The following BEND7 variants were observed in gnomAD, a reference collection of about 807,000 sequenced individuals.
The protein encoded by BEND7 is BEN domain containing 7.
Under a neutral mutation model 50.9 loss-of-function variants are expected in BEND7, and 28 were observed. The observed-to-expected ratio is 0.55, with a 90% CI of 0.41 to 0.75. The LOEUF is 0.75. Ranked by LOEUF, BEND7 falls within the 30% of genes least tolerant of loss-of-function variation. BEND7 has a pLI of 0.00. For missense variants in BEND7, 477 were observed against 491.3 expected (o/e 0.97, Z 0.28); for synonymous variants, 170 against 183.9 (o/e 0.92, Z 0.61).
intron 8 of BEND7, 141 bp from the exon 9 acceptor site, chr10:13,441,891 C>T (rs1248972736): frequency 5.0e-6 from 4 of 803,394 alleles, no homozygotes; most frequent in Middle Eastern, 2.7e-4. Flanking sequence ...AGAAGCCACA[C>T]ATATATGAGA....
intron 1 of BEND7, 143 bp downstream of exon 1, chr10:13,528,330 C>A: frequency 5.0e-6 from 1 of 200,536 alleles, no homozygotes; most frequent in Non-Finnish European, 8.9e-6. Flanking sequence ...CGGCCGCGGC[C>A]CTGCCTGCCA....
intron 5 of BEND7, among the ~76,000 whole-genome samples, chr10:13,481,909 G>A (rs1441359689): frequency 1.3e-5 from 2 of 152,194 alleles, no homozygotes; most frequent in African/African-American, 2.4e-5. Flanking sequence ...GCACACGCTC[G>A]GCGCTCAGCA....
chr10:13,526,791 CTTTA>C (rs1022313440), intron 1 of BEND7, among the ~76,000 whole-genome samples: 11 of 152,192 alleles, frequency 7.2e-5, no homozygotes, highest in African/African-American at 2.7e-4. Context: ...AGCTACTGCA[CTTTA>C]TTTAATATGC....
intron 6 of BEND7, among the ~76,000 whole-genome samples, chr10:13,454,601 T>C (rs537170403): frequency 6.6e-5 from 10 of 151,404 alleles, no homozygotes; most frequent in Admixed American, 1.3e-4. Context: ...GCCTGGGCAA[T>C]TGAGTGAGAC....
intron 6 of BEND7, among the ~76,000 whole-genome samples, chr10:13,478,761 A>T (rs2075645723): frequency 6.6e-6 from 1 of 152,214 alleles, no homozygotes; most frequent in African/African-American, 2.4e-5. Context: ...GCAAATAGAT[A>T]AATATAAACT....
At chr10:13,475,833 G>C (rs887922868) in intron 6 of BEND7, among the ~76,000 whole-genome samples, 7 of 152,198 alleles carry the variant, frequency 4.6e-5, no homozygotes, top group African/African-American at 1.7e-4. Flanking sequence ...CAGGCCTTGG[G>C]TGAAGTCCTG....
intron 4 of BEND7, among the ~76,000 whole-genome samples, chr10:13,493,616 C>G (rs569546828): frequency 6.6e-6 from 1 of 152,166 alleles, no homozygotes; most frequent in Non-Finnish European, 1.5e-5. Flanking sequence ...AATCTAGAAA[C>G]AGTTCCAAAC....
chr10:13,469,234 G>C (rs2074557002), intron 6 of BEND7, among the ~76,000 whole-genome samples: 1 of 152,066 alleles, frequency 6.6e-6, no homozygotes, highest in Non-Finnish European at 1.5e-5. Flanking sequence ...ACCATGGAGA[G>C]GTGTCAAAAT....
rs1271402630 is a variant in BEND7, at chr10:13,441,357, ACAGT to A, written c.*382_*385del. The A allele has an allele frequency of 4.1e-5, 42 of 1,036,726 alleles. No individual in the cohort carries two copies. The South Asian group carries it at 1.8e-3, about 44-fold the overall frequency. The allele number at this position is 1,036,726 out of a possible 1,614,324, so 64.2% of individuals were successfully genotyped here. A position where few individuals can be genotyped will look rare whatever the true frequency, so the allele number is the denominator to read the frequency against. On this transcript the variant is annotated 3_prime_UTR_variant, in exon 9 of 9. Coordinates refer to ENST00000466271, the MANE Select transcript of BEND7 (RefSeq NM_001369863.1). ...TCTGAATAAAGACTGAACAGTAGTC[ACAGT>A]AAGTAAACACAATTTTAATTTACAA...
Position 13,528,457 on chromosome 10 carries a change from C to G in BEND7, c.61+16G>C. 3.0e-6 allele frequency: 3 copies of G among 1,013,224 alleles called. No homozygotes were observed. Among genetic ancestry groups the G allele is most frequent in the Non-Finnish European group, 3.5e-6 (3 of 850,588 alleles). 62.8% of individuals were successfully genotyped at this position (1,013,224 alleles called of 1,614,324 possible). A position where few individuals can be genotyped will look rare whatever the true frequency, so the allele number is the denominator to read the frequency against. On this transcript the variant is annotated intron_variant, in intron 1 of 8. Coordinates refer to ENST00000466271, the MANE Select transcript of BEND7 (RefSeq NM_001369863.1). Reference sequence around the variant, plus strand: ...GGCGCCCGCTGCCTGCCCCCGCCGCCCCGGCGGCCGCTTACCTCGGCTCAC... The same window carrying G: ...GGCGCCCGCTGCCTGCCCCCGCCGCGCCGGCGGCCGCTTACCTCGGCTCAC...
chr10:13,528,887 CGCGGCGGCG>C lies in BEND7; in HGVS notation c.-363_-355del, dbSNP rs952437145. ...CCGTTGGGAGCGGGCCGGGCCGGGG[CGCGGCGGCG>C]GCGGCGGAGGCGGGGGGCGGCTCGG... On this transcript the variant is annotated 5_prime_UTR_variant, in exon 1 of 9. Transcript: ENST00000466271. 2.2e-5 allele frequency: 3 copies of C among 137,738 alleles called. No homozygotes were observed. The highest frequency in any genetic ancestry group is 3.2e-5 in the Non-Finnish European group (2 of 63,024). The allele number at this position is 137,738 out of a possible 1,614,324, so 8.5% of individuals were successfully genotyped here.
intron 4 of BEND7, 139 bp downstream of exon 4, chr10:13,496,627 A>T (rs2077039289): frequency 1.9e-6 from 2 of 1,060,748 alleles, no homozygotes; most frequent in East Asian, 2.6e-5. Flanking sequence ...GAAAGCTGAA[A>T]AAACAGATAC....
At chr10:13,496,675 G>A (rs1387625326) in intron 4 of BEND7, 91 bp downstream of exon 4, 4 of 1,422,732 alleles carry the variant, frequency 2.8e-6, no homozygotes, top group African/African-American at 1.4e-5. Flanking sequence ...TGAGAAGAAG[G>A]CTTTAATAAA....
At chr10:13,454,433 C>T (rs1034223715) in intron 6 of BEND7, among the ~76,000 whole-genome samples, 1 of 139,176 alleles carries the variant, frequency 7.2e-6, no homozygotes, top group African/African-American at 2.5e-5. Context: ...ACAGTGAGAC[C>T]CTGTCTCAAT....
chr10:13,453,120 T>C (rs1564514933), intron 6 of BEND7, among the ~76,000 whole-genome samples: 1 of 152,210 alleles, frequency 6.6e-6, no homozygotes, highest in Non-Finnish European at 1.5e-5. Context: ...CAAATAATAA[T>C]GCAGTTGGTG....
chr10:13,439,275 G>C (rs1483481512), downstream of BEND7: 11 of 1,614,104 alleles, frequency 6.8e-6, no homozygotes, highest in Admixed American at 3.3e-5. Flanking sequence ...TGAGACCTGA[G>C]TTATGAGGAA....
At chr10:13,480,708 G>T (rs924078379) in intron 6 of BEND7, 191 bp downstream of exon 6, 1 of 985,218 alleles carries the variant, frequency 1.0e-6, no homozygotes, top group Non-Finnish European at 1.2e-6. Flanking sequence ...ACATTACCTT[G>T]AATAATGAAT....
intron 5 of BEND7, among the ~76,000 whole-genome samples, chr10:13,485,242 A>G (rs2076139160): frequency 6.6e-6 from 1 of 152,234 alleles, no homozygotes; most frequent in Non-Finnish European, 1.5e-5. Context: ...GCTATTTTAT[A>G]TAAGGTATTA....
At chr10:13,464,043 C>T (rs113037696) in intron 6 of BEND7, among the ~76,000 whole-genome samples, 58 of 152,214 alleles carry the variant, frequency 3.8e-4, no homozygotes, top group Non-Finnish European at 2.9e-4. Context: ...GGCAAGAATG[C>T]GGGAAAGTGG....
Sources: gnomAD v4.1 joint callset for allele counts (sites outside exome capture counted in the v4.1 genomes callset) on GRCh38, gnomAD v4.1.1 for gene constraint, MANE v1.5 for transcripts, NCBI Gene and HGNC (gene_info 2026-07-23, HGNC 2026-07-21) for gene names.